The following MARF1 variants were observed in gnomAD, a reference collection of about 807,000 sequenced individuals.
The protein encoded by MARF1 is meiosis regulator and mRNA stability factor 1.
A neutral mutation model predicts 168.2 loss-of-function variants in MARF1; 24 were observed. The ratio of observed to expected loss-of-function variants is 0.14; its 90% confidence interval spans 0.10 to 0.20. The LOEUF is 0.20. MARF1 is among the 10% of genes least tolerant of loss of function. MARF1 has a pLI of 1.00. For synonymous variants in MARF1, 868 were observed against 822.4 expected, an observed-to-expected ratio of 1.06 and a Z score of -0.95; for missense variants, 1,744 against 2,143.6, an observed-to-expected ratio of 0.81 and a Z score of 3.68.
At chr16:15,616,907 G>C in intron 15 of MARF1, 145 bp downstream of exon 15, 1 of 1,180,466 alleles carries the variant, frequency 8.5e-7, no homozygotes, top group Non-Finnish European at 1.2e-6. Flanking sequence ...TGTGGTGCAT[G>C]ACTGTACTTT....
At position 15,596,510 on chromosome 16, in the gene MARF1, A is replaced by G; in HGVS notation, c.*183T>C. 1 of 470,080 alleles carries G rather than the reference A, an allele frequency of 2.1e-6. No individual in the cohort carries two copies. Among genetic ancestry groups the G allele is most frequent in the Admixed American group, 4.1e-5 (1 of 24,572 alleles). The allele number at this position is 470,080 out of a possible 1,614,324, so 29.1% of individuals were successfully genotyped here. ...AAAAGAAAGAAAAAGGAAGAAGAAA[A>G]GAAAGACTTCAGCTCAAAGCTGTGT... On this transcript the variant is annotated 3_prime_UTR_variant, in exon 27 of 27. Transcript: ENST00000396368.
intron 1 of MARF1, among the ~76,000 whole-genome samples, chr16:15,641,431 G>T (rs1264792216): frequency 6.6e-6 from 1 of 152,220 alleles, no homozygotes. Context: ...TATTCACAGT[G>T]TTCATAACTT....
At chr16:15,635,236 C>T (rs1016147628) in intron 3 of MARF1, 4 of 413,968 alleles carry the variant, frequency 9.7e-6, no homozygotes, top group African/African-American at 8.1e-5. Context: ...CAAAGTCTCA[C>T]TTGAACACCA....
chr16:15,629,454 TG>T (rs1244478276), intron 7 of MARF1, among the ~76,000 whole-genome samples: 3 of 152,186 alleles, frequency 2.0e-5, no homozygotes, highest in Admixed American at 6.5e-5. Flanking sequence ...TCTTAACTGC[TG>T]CAATCACCAA....
intron 7 of MARF1, among the ~76,000 whole-genome samples, chr16:15,627,750 A>C (rs553896699): frequency 6.6e-6 from 1 of 152,372 alleles, no homozygotes; most frequent in African/African-American, 2.4e-5. Flanking sequence ...GATGTGAACA[A>C]TTTACAGAAG....
In MARF1 at chr16:15,626,148, A is replaced by T. The variant is rs1248347302; in HGVS notation, c.1525-348T>A. On this transcript the variant is annotated intron_variant, in intron 7 of 26. Transcript: ENST00000396368. ...TCAAAAAATAAAAATAAAAAAGAAT[A>T]TGCTAGGCACAGAGGTCTGTATACT... is the stretch of plus-strand genomic sequence containing the variant. Among the ~76,000 whole-genome samples, 3 of 152,152 alleles carry T rather than the reference A, an allele frequency of 2.0e-5. No homozygotes were observed. The East Asian group carries it at 5.8e-4, about 29-fold the overall frequency.
At position 15,602,163 on chromosome 16, in the gene MARF1, G is replaced by A; in HGVS notation, c.4454C>T (p.Thr1485Ile). The stretch of plus-strand genomic sequence containing the variant: ...ATTCTTTGCAAACAAATACAGACTT[G>A]TGAGCTTCACACATTCTTCCATCTT... ...NDKMEECVKL[T>I]SLYLFAKNVR... Residue 1485 changes from threonine (T) to isoleucine (I), a missense_variant, in exon 23 of 27, where the codon ACA (threonine) becomes ATA (isoleucine). Transcript: ENST00000396368. 6.2e-7 allele frequency: 1 copy of A among 1,614,164 alleles called. No individual in the cohort carries two copies. Among genetic ancestry groups the A allele is most frequent in the Non-Finnish European group, 8.5e-7 (1 of 1,179,988 alleles).
chr16:15,629,894 G>A (rs2151255204), intron 7 of MARF1, among the ~76,000 whole-genome samples: 1 of 152,294 alleles, frequency 6.6e-6, no homozygotes, highest in East Asian at 1.9e-4. Context: ...GCCCGCTGAA[G>A]CTTAAGGATT....
chr16:15,639,389 A>G (rs1047847693), intron 1 of MARF1, 98 bp from the exon 2 acceptor site: 52 of 782,478 alleles, frequency 6.6e-5, no homozygotes, highest in Non-Finnish European at 1.0e-4. Context: ...TTACAGTCCT[A>G]TGGCTCTCAA....
At chr16:15,608,690 G>A (rs2033246130) in intron 20 of MARF1, 172 bp from the exon 21 acceptor site, 4 of 606,568 alleles carry the variant, frequency 6.6e-6, no homozygotes, top group Non-Finnish European at 1.2e-5. Flanking sequence ...GCATAACAAT[G>A]TGAATGTGCT....
At chr16:15,635,246 A>T (rs1259532218) in intron 3 of MARF1, 11 of 406,486 alleles carry the variant, frequency 2.7e-5, no homozygotes, top group African/African-American at 2.2e-4. Flanking sequence ...CTTGAACACC[A>T]ATGTGACTGA....
intron 3 of MARF1, chr16:15,635,416 G>C (rs1322132312): frequency 1.4e-5 from 7 of 512,864 alleles, no homozygotes; most frequent in Non-Finnish European, 2.4e-5. Flanking sequence ...CCTCTTGTTT[G>C]CAACAAGAGG....
intron 21 of MARF1, among the ~76,000 whole-genome samples, chr16:15,606,616 C>G (rs1567537851): frequency 6.6e-6 from 1 of 152,092 alleles, no homozygotes; most frequent in African/African-American, 2.4e-5. Flanking sequence ...CCCTTCTATT[C>G]CTGATGATAA....
chr16:15,608,492 G>A lies in MARF1; in HGVS notation c.3981C>T (p.Ile1327=), dbSNP rs1258323102. 1 of 1,614,052 alleles carries A rather than the reference G, an allele frequency of 6.2e-7. No homozygotes were observed. The highest frequency in any genetic ancestry group is 8.5e-7 in the Non-Finnish European group (1 of 1,179,932). The part of the protein sequence containing the change: ...LQVLECGEEK[I]LTLTEVERFK... ...ACCGCTCCACCTCTGTCAGAGTAAG[G>A]ATCTTTTCTTCTCCACATTCCAATA... The change falls in exon 21 of 27, where the codon ATC becomes ATT. Residue 1327 remains isoleucine (I), a synonymous_variant. Transcript: ENST00000396368.
At chr16:15,628,741 C>T (rs1283770750) in intron 7 of MARF1, among the ~76,000 whole-genome samples, 1 of 152,060 alleles carries the variant, frequency 6.6e-6, no homozygotes, top group Non-Finnish European at 1.5e-5. Flanking sequence ...TAATCAGAGG[C>T]TTTTCTTTTT....
chr16:15,635,582 C>A, intron 3 of MARF1, 74 bp downstream of exon 3: 1 of 1,314,890 alleles, frequency 7.6e-7, no homozygotes, highest in Non-Finnish European at 1.1e-6. Context: ...TAATACTTTT[C>A]AAGATAAATC....
chr16:15,619,651 T>C (rs952191621), intron 13 of MARF1, among the ~76,000 whole-genome samples: 1 of 152,222 alleles, frequency 6.6e-6, no homozygotes, highest in East Asian at 1.9e-4. Context: ...TCCATAAGGA[T>C]TCACGAGCAT....
intron 13 of MARF1, 117 bp from the exon 14 acceptor site, chr16:15,617,652 G>GTT: frequency 1.4e-6 from 1 of 700,992 alleles, no homozygotes; most frequent in South Asian, 1.8e-5. Context: ...TCTCTTCAAA[G>GTT]GTAAAACTGG....
chr16:15,604,449 G>T, intron 21 of MARF1, 51 bp from the exon 22 acceptor site: 1 of 1,293,398 alleles, frequency 7.7e-7, no homozygotes, highest in Non-Finnish European at 1.1e-6. Flanking sequence ...AGACACCCTA[G>T]GTTATACCCA....
Sources: allele counts gnomAD v4.1 joint callset (sites outside exome capture counted in the v4.1 genomes callset), GRCh38; gene constraint gnomAD v4.1.1; transcripts MANE v1.5; gene names NCBI Gene and HGNC (gene_info 2026-07-23, HGNC 2026-07-21).